Variants in SLC35F3 observed in about 807,000 individuals in gnomAD.
SLC35F3 encodes the protein putative thiamine transporter SLC35F3.
In SLC35F3, 25 loss-of-function variants were observed where a neutral mutation model predicts 49.9. That is an observed-to-expected ratio of 0.50 (90% CI 0.37 to 0.70). The LOEUF (loss-of-function observed/expected upper bound fraction) is 0.70, where lower values mean the gene tolerates loss of function less well. SLC35F3 is among the 30% of genes least tolerant of loss of function. The probability of loss-of-function intolerance (pLI) is 0.00; values close to 1 mark genes in which losing one functional copy is unlikely to be tolerated. For synonymous variants in SLC35F3, 275 were observed against 265.4 expected (o/e 1.04, Z -0.35); for missense variants, 525 against 639.8 (o/e 0.82, Z 1.94).
chr1:234,274,888 G>A (rs1668174291), intron 3 of SLC35F3, among the ~76,000 whole-genome samples: 1 of 152,204 alleles, frequency 6.6e-6, no homozygotes, highest in South Asian at 2.1e-4. Flanking sequence ...AAAATGCCAT[G>A]CAGAATACTA....
chr1:234,082,931 G>A (rs758945345), intron 2 of SLC35F3, among the ~76,000 whole-genome samples: 2 of 151,984 alleles, frequency 1.3e-5, no homozygotes, highest in Non-Finnish European at 2.9e-5. Context: ...ATTTGGGTGG[G>A]GACACAACCA....
chr1:234,168,953 G>A (rs577145240), intron 2 of SLC35F3, among the ~76,000 whole-genome samples: 343 of 152,310 alleles, frequency 2.3e-3, no homozygotes, highest in African/African-American at 7.7e-3. Context: ...GGCCGAGAAA[G>A]CCAAGGATCT....
At position 234,262,587 on chromosome 1, in the gene SLC35F3, C is replaced by T. The variant is rs150195334; in HGVS notation, c.608+30846C>T. 1.9e-4 allele frequency among the ~76,000 whole-genome samples: 29 copies of T among 152,286 alleles called. No individual in the cohort carries two copies. The East Asian group carries it at 3.5e-3, about 18-fold the overall frequency. ...TTTTATTACTCCCTTCCTGGTCCTC[C>T]GGAGGGCCGCTGGCATTTGACTTTG... On this transcript the variant is annotated intron_variant, in intron 3 of 7. Coordinates refer to ENST00000366618, the MANE Select transcript of SLC35F3 (RefSeq NM_173508.4).
chr1:234,286,311 G>A (rs1346207694), intron 3 of SLC35F3, among the ~76,000 whole-genome samples: 2 of 152,048 alleles, frequency 1.3e-5, no homozygotes, highest in African/African-American at 2.4e-5. Flanking sequence ...TGGAAAGAAG[G>A]GCCAAATAGA....
chr1:234,042,210 C>A (rs1252005389), intron 2 of SLC35F3, among the ~76,000 whole-genome samples: 1 of 152,130 alleles, frequency 6.6e-6, no homozygotes, highest in Non-Finnish European at 1.5e-5. Flanking sequence ...GTCCATTGGA[C>A]CTTCCATGTG....
chr1:234,241,735 CAAAAA>C (rs34326038), intron 3 of SLC35F3, among the ~76,000 whole-genome samples: 1 of 89,924 alleles, frequency 1.1e-5, no homozygotes. Context: ...CACTCTGTCT[CAAAAA>C]AAAAAAAAAA....
At chr1:233,918,362 T>A (rs1164855490) in intron 2 of SLC35F3, among the ~76,000 whole-genome samples, 2 of 152,232 alleles carry the variant, frequency 1.3e-5, no homozygotes, top group Non-Finnish European at 2.9e-5. Context: ...GGCTTGGCTC[T>A]CTTGTCCCGA....
intron 2 of SLC35F3, among the ~76,000 whole-genome samples, chr1:234,021,418 A>G (rs1400332099): frequency 6.6e-6 from 1 of 152,324 alleles, no homozygotes; most frequent in East Asian, 1.9e-4. Flanking sequence ...TTGAAATGAG[A>G]AAGCTGGAAA....
chr1:234,112,383 A>G (rs1481613962), intron 2 of SLC35F3, among the ~76,000 whole-genome samples: 1 of 151,994 alleles, frequency 6.6e-6, no homozygotes, highest in Non-Finnish European at 1.5e-5. Context: ...GTGCTTAGAC[A>G]CATACTTTCC....
At chr1:234,098,677 G>T (rs1383166072) in intron 2 of SLC35F3, among the ~76,000 whole-genome samples, 2 of 150,854 alleles carry the variant, frequency 1.3e-5, no homozygotes, top group Non-Finnish European at 3.0e-5. Context: ...GTGTTATAGG[G>T]TGATGGTGGT....
chr1:234,106,657 C>T (rs926799985), intron 2 of SLC35F3, among the ~76,000 whole-genome samples: 2 of 152,184 alleles, frequency 1.3e-5, no homozygotes, highest in Admixed American at 1.3e-4. Context: ...TTTAAAGGCC[C>T]TTTCTTCAAA....
chr1:234,098,260 G>T lies in SLC35F3; in HGVS notation c.284-133157G>T, dbSNP rs557432932. 9.6e-4 allele frequency among the ~76,000 whole-genome samples: 144 copies of T among 149,564 alleles called. 2 individuals carry two copies. In the South Asian group the frequency reaches 0.012, roughly 12 times the overall value. On this transcript the variant is annotated intron_variant, in intron 2 of 7. Coordinates refer to ENST00000366618, the MANE Select transcript of SLC35F3 (RefSeq NM_173508.4). ...GTGATGATGGAGGTGGTGATTGTGT[G>T]TTGGTGGTGGTGGTGGTGGCAGTTC...
intron 2 of SLC35F3, among the ~76,000 whole-genome samples, chr1:234,069,774 C>T (rs1393343763): frequency 6.6e-6 from 1 of 152,162 alleles, no homozygotes; most frequent in Non-Finnish European, 1.5e-5. Flanking sequence ...ATTTGCCTGC[C>T]ATTTCTGTTG....
intron 2 of SLC35F3, among the ~76,000 whole-genome samples, chr1:234,184,671 A>G (rs1386965158): frequency 6.6e-6 from 1 of 152,222 alleles, no homozygotes; most frequent in Non-Finnish European, 1.5e-5. Flanking sequence ...GCCAGCACAC[A>G]GTTTCCAGGG....
intron 2 of SLC35F3, among the ~76,000 whole-genome samples, chr1:233,942,789 C>T (rs1182698928): frequency 1.3e-5 from 2 of 152,182 alleles, no homozygotes; most frequent in African/African-American, 4.8e-5. Context: ...TACAGCAGAT[C>T]TAGAACTTAC....
chr1:234,321,961 G>A (rs983793061), intron 7 of SLC35F3, among the ~76,000 whole-genome samples: 9 of 151,958 alleles, frequency 5.9e-5, no homozygotes, highest in African/African-American at 2.2e-4. Context: ...TGGGAGGATC[G>A]CTTGAGCCCA....
At chr1:234,117,960 GTGTGTA>G (rs1446776954) in intron 2 of SLC35F3, among the ~76,000 whole-genome samples, 6 of 86,180 alleles carry the variant, frequency 7.0e-5, no homozygotes, top group Non-Finnish European at 1.0e-4. Context: ...GTGTGTGTGT[GTGTGTA>G]TATATATATA....
At chr1:234,168,148 G>A (rs1269519775) in intron 2 of SLC35F3, among the ~76,000 whole-genome samples, 1 of 152,220 alleles carries the variant, frequency 6.6e-6, no homozygotes, top group Non-Finnish European at 1.5e-5. Flanking sequence ...GTGGCAAGCT[G>A]TGCTTCACTT....
intron 2 of SLC35F3, among the ~76,000 whole-genome samples, chr1:234,099,599 ACT>A (rs1338090714): frequency 2.2e-5 from 3 of 135,768 alleles, no homozygotes; most frequent in Non-Finnish European, 4.7e-5. Context: ...ACAGAGCGAG[ACT>A]CTGTCTAAAA....
Sources: allele counts gnomAD v4.1 joint callset (sites outside exome capture counted in the v4.1 genomes callset), GRCh38; gene constraint gnomAD v4.1.1; transcripts MANE v1.5; gene names NCBI Gene and HGNC (gene_info 2026-07-23, HGNC 2026-07-21).